GPATCH1: variants seen among roughly 807,000 people sequenced by gnomAD.
The protein encoded by GPATCH1 is G patch domain-containing protein 1.
A neutral mutation model predicts 114.9 loss-of-function variants in GPATCH1; 73 were observed. The ratio of observed to expected loss-of-function variants is 0.64; its 90% CI spans 0.53 to 0.77. GPATCH1 has a LOEUF of 0.77. Among genes scored for constraint, GPATCH1 ranks in the 30% least tolerant of loss-of-function variants. The pLI, the probability that GPATCH1 is intolerant of heterozygous loss-of-function variation, is 0.00. For synonymous variants in GPATCH1, 391 were observed against 428.4 expected, an observed-to-expected ratio of 0.91 and a Z score of 1.08; for missense variants, 1,058 against 1,144.3, an observed-to-expected ratio of 0.92 and a Z score of 1.09.
intron 1 of GPATCH1, 120 bp downstream of exon 1, chr19:33,081,386 G>T (rs1972474462): frequency 2.4e-6 from 2 of 835,762 alleles, no homozygotes; most frequent in Non-Finnish European, 1.9e-6. Flanking sequence ...CTGGGAACAC[G>T]GCGACGAGGG....
At chr19:33,112,731 C>A in intron 13 of GPATCH1, 118 bp downstream of exon 13, 2 of 674,006 alleles carry the variant, frequency 3.0e-6, no homozygotes, top group Non-Finnish European at 4.8e-6. Flanking sequence ...TTGCATATCA[C>A]TGGATATACA....
Position 33,101,566 on chromosome 19 carries a change from T to C in GPATCH1, c.1072T>C (p.Ser358Pro). ...GFSLASKPLSSKKIYPPPELP... is the reference protein window; with the variant it reads ...GFSLASKPLSPKKIYPPPELP... ...TTCCTTGGCTTCTAAACCTTTATCTTCTAAGAAAGTAAGAAAAACTTTTTT... is the reference window on the plus strand; with the variant it reads ...TTCCTTGGCTTCTAAACCTTTATCTCCTAAGAAAGTAAGAAAAACTTTTTT... The change falls in exon 9 of 20, where the codon TCT (serine) becomes CCT (proline). Residue 358 changes from serine to proline, a missense_variant. Physicochemically the swap from Ser to Pro is moderately conservative, Grantham distance 74. Transcript: ENST00000170564. 1 of 1,562,976 alleles carries C rather than the reference T, an allele frequency of 6.4e-7. No homozygotes were observed. The highest frequency in any genetic ancestry group is 8.8e-7 in the Non-Finnish European group (1 of 1,138,794).
intron 1 of GPATCH1, among the ~76,000 whole-genome samples, chr19:33,086,112 A>G (rs929610925): frequency 2.0e-5 from 3 of 152,230 alleles, no homozygotes; most frequent in African/African-American, 4.8e-5. Context: ...TGTACAGAAC[A>G]TTCCCCTGCA....
intron 15 of GPATCH1, among the ~76,000 whole-genome samples, chr19:33,114,797 C>CTTTTTTTTTTTTTT (rs546074419): frequency 1.1e-5 from 1 of 87,202 alleles, no homozygotes; most frequent in East Asian, 4.3e-4. Flanking sequence ...CTATTTCTCT[C>CTTTTTTTTTTTTTT]TTTTTTTTTT....
At chr19:33,111,660 G>A in intron 11 of GPATCH1, 64 bp from the exon 12 acceptor site, 1 of 1,449,352 alleles carries the variant, frequency 6.9e-7, no homozygotes, top group Non-Finnish European at 9.6e-7. Flanking sequence ...CCCAGCAGAT[G>A]TTCTCTTGTA....
intron 16 of GPATCH1, among the ~76,000 whole-genome samples, chr19:33,118,385 G>A (rs1972940270): frequency 6.6e-6 from 1 of 151,784 alleles, no homozygotes; most frequent in African/African-American, 2.4e-5. Flanking sequence ...CACCATGTTG[G>A]CCAGGCTAGT....
chr19:33,105,431 AAAAG>A (rs1364866593), intron 9 of GPATCH1, among the ~76,000 whole-genome samples: 1 of 151,470 alleles, frequency 6.6e-6, no homozygotes, highest in Non-Finnish European at 1.5e-5. Flanking sequence ...AAAAAAAAGA[AAAAG>A]AAAAAAGAAA....
chr19:33,089,418 C>T (rs1286051068), intron 2 of GPATCH1, among the ~76,000 whole-genome samples: 1 of 152,066 alleles, frequency 6.6e-6, no homozygotes, highest in African/African-American at 2.4e-5. Context: ...TTATAAATGC[C>T]AAGTTGTTTA....
chr19:33,115,939 CTT>C (rs1972912076), intron 15 of GPATCH1, among the ~76,000 whole-genome samples: 1 of 151,918 alleles, frequency 6.6e-6, no homozygotes, highest in Admixed American at 6.6e-5. Context: ...TATTACCACT[CTT>C]TTTTGTTTCT....
Position 33,097,755 on chromosome 19 carries a change from G to A in GPATCH1, c.853G>A (p.Ala285Thr), listed in dbSNP as rs1179891093. Reference protein sequence around the residue: ...KGRKLGISGQAFGVGALEEED... With the variant: ...KGRKLGISGQTFGVGALEEED... The stretch of plus-strand genomic sequence containing the variant: ...AGTTTGAAACCTTGTTTTTTTAAAG[G>A]CTTTTGGTGTAGGTGCCCTGGAAGA... Residue 285 changes from alanine to threonine, a missense_variant and splice_region_variant, in exon 8 of 20, where the codon GCT (alanine) becomes ACT (threonine). Coordinates refer to ENST00000170564, the MANE Select transcript of GPATCH1 (RefSeq NM_018025.3). The A allele has an allele frequency of 2.5e-6, 4 of 1,613,508 alleles. No individual in the cohort carries two copies. Among genetic ancestry groups the A allele is most frequent in the Non-Finnish European group, 3.4e-6 (4 of 1,179,810 alleles).
In GPATCH1 at chr19:33,113,920, C is replaced by T. The variant is rs756110056; in HGVS notation, c.2029+17C>T. The T allele has an allele frequency of 2.6e-5, 42 of 1,611,836 alleles. No homozygotes were observed. Among genetic ancestry groups the T allele is most frequent in the Middle Eastern group, 1.6e-4 (1 of 6,078 alleles). ...GTCCCGACAGTGAGTAGGGCGTCCC[C>T]GGGGTCTCTGATTGACCAGGGCCTC... On this transcript the variant is annotated intron_variant, in intron 14 of 19. Transcript: ENST00000170564.
At chr19:33,127,509 CTT>C (rs1357906114) in intron 19 of GPATCH1, among the ~76,000 whole-genome samples, 1 of 139,640 alleles carries the variant, frequency 7.2e-6, no homozygotes, top group East Asian at 2.1e-4. Flanking sequence ...GAGCGAGACT[CTT>C]GTCTCAATAA....
At chr19:33,123,401 A>C (rs1367841441) in intron 17 of GPATCH1, among the ~76,000 whole-genome samples, 1 of 146,110 alleles carries the variant, frequency 6.8e-6, no homozygotes, top group Non-Finnish European at 1.5e-5. Context: ...ACTCTGTCTC[A>C]AAAAAAAAAA....
intron 2 of GPATCH1, among the ~76,000 whole-genome samples, chr19:33,089,144 C>T (rs926101212): frequency 3.9e-5 from 6 of 152,144 alleles, no homozygotes; most frequent in African/African-American, 1.4e-4. Flanking sequence ...TTGTGTCTTG[C>T]CATTCACGAA....
At chr19:33,081,305 G>A in intron 1 of GPATCH1, 39 bp downstream of exon 1, 1 of 1,494,744 alleles carries the variant, frequency 6.7e-7, no homozygotes, top group Non-Finnish European at 9.1e-7. Flanking sequence ...GTGGAAAACA[G>A]GCCAAGGGCC....
Position 33,130,502 on chromosome 19 carries a change from C to T in GPATCH1, c.*342C>T, listed in dbSNP as rs1437704097. The stretch of plus-strand genomic sequence containing the variant: ...GGTTTTGTGATGAAGACAGCCTGGA[C>T]TCACTGAAGGACAAGCGTGTGAGAA... On this transcript the variant is annotated 3_prime_UTR_variant, in exon 20 of 20. Coordinates refer to ENST00000170564, the MANE Select transcript of GPATCH1 (RefSeq NM_018025.3). 1.0e-5 allele frequency: 2 copies of T among 197,222 alleles called. No homozygotes were observed. The highest frequency in any genetic ancestry group is 4.7e-5 in the African/African-American group (2 of 42,880). The allele number at this position is 197,222 out of a possible 1,614,324, so 12.2% of individuals were successfully genotyped here.
At position 33,095,805 on chromosome 19, in the gene GPATCH1, C is replaced by A; in HGVS notation, c.597C>A (p.Ser199Arg). ...ATGGCTGTGCATTACCCCCTGGAAGCTCGGAAGGATCTGAGGTATTGCATG... is the reference window on the plus strand; with the variant it reads ...ATGGCTGTGCATTACCCCCTGGAAGATCGGAAGGATCTGAGGTATTGCATG... ...KIYGCALPPGSSEGSEGEDDD... is the reference protein window; with the variant it reads ...KIYGCALPPGRSEGSEGEDDD... Residue 199 changes from serine to arginine, a missense_variant, in exon 6 of 20, where the codon AGC becomes AGA. This residue lies in a region of GPATCH1 where 893 missense variants were observed against 977.4 expected (regional missense o/e 0.91). Transcript: ENST00000170564. 1 of 1,610,038 alleles carries A rather than the reference C, an allele frequency of 6.2e-7. No homozygotes were observed. Among genetic ancestry groups the A allele is most frequent in the Non-Finnish European group, 8.5e-7 (1 of 1,176,398 alleles).
At chr19:33,117,525 A>G (rs1410721759) in intron 15 of GPATCH1, among the ~76,000 whole-genome samples, 1 of 152,010 alleles carries the variant, frequency 6.6e-6, no homozygotes, top group African/African-American at 2.4e-5. Flanking sequence ...CGATCTCCTG[A>G]CCTTGTGATC....
At position 33,106,797 on chromosome 19, in the gene GPATCH1, T is replaced by C. The variant is rs373062301; in HGVS notation, c.1183T>C (p.Ser395Pro). 4.7e-5 allele frequency: 76 copies of C among 1,613,916 alleles called. No homozygotes were observed. In the South Asian group the frequency reaches 5.9e-4, roughly 13 times the overall value. ...SENSHLLQVL[S>P]ESAGKATPDP... ...GAACTCACACTTACTGCAGGTATTA[T>C]CAGAGTCAGCTGGAAAGGCAACGCC... The change falls in exon 10 of 20, where the codon TCA becomes CCA. Residue 395 changes from serine (S) to proline (P), a missense_variant. Ser to Pro is a moderately conservative substitution (Grantham distance 74). This residue lies in a region of GPATCH1 where 893 missense variants were observed against 977.4 expected (regional missense o/e 0.91). Coordinates refer to ENST00000170564, the MANE Select transcript of GPATCH1 (RefSeq NM_018025.3).
Sources: allele counts gnomAD v4.1 joint callset (sites outside exome capture counted in the v4.1 genomes callset), GRCh38; gene constraint gnomAD v4.1.1; regional missense constraint gnomAD v4.1.1; transcripts MANE v1.5; gene names NCBI Gene and HGNC (gene_info 2026-07-23, HGNC 2026-07-21).